The following LINGO1 variants were observed in gnomAD, a reference collection of about 807,000 sequenced individuals.
The protein encoded by LINGO1 is leucine rich repeat and Ig domain containing 1.
In LINGO1, 11 loss-of-function variants were observed where a neutral mutation model predicts 37.3. The observed-to-expected ratio is 0.29, with a 90% CI of 0.19 to 0.49. The LOEUF (loss-of-function observed/expected upper bound fraction) is 0.49. Among genes scored for constraint, LINGO1 ranks in the 20% least tolerant of loss-of-function variants. LINGO1 has a pLI of 0.99. For missense variants in LINGO1, 585 were observed against 878.2 expected (o/e 0.67, Z 4.22); for synonymous variants, 387 against 403.0 (o/e 0.96, Z 0.48).
At position 77,618,802 on chromosome 15, in the gene LINGO1, AGCCGGGATGGC is replaced by A; in HGVS notation, c.7-2913_7-2903del. On this transcript the variant is annotated intron_variant, in intron 1 of 1. Coordinates refer to ENST00000355300, the MANE Select transcript of LINGO1 (RefSeq NM_032808.7). Reference sequence around the variant, plus strand: ...AGTAGAGACGGGGTTTCACCGTTTTAGCCGGGATGGCCTCGATCTCCTGACCTCGTGATCCG... The same window carrying A: ...AGTAGAGACGGGGTTTCACCGTTTTACTCGATCTCCTGACCTCGTGATCCG... Among the ~76,000 whole-genome samples, 14 of 29,340 alleles carry A rather than the reference AGCCGGGATGGC, an allele frequency of 4.8e-4. 7 individuals are homozygous for A. The highest frequency in any genetic ancestry group is 8.7e-4 in the Admixed American group (2 of 2,306). The allele number at this position is 29,340 out of a possible 152,430, so 19.2% of individuals were successfully genotyped here. A position where few individuals can be genotyped will look rare whatever the true frequency, so the allele number is the denominator to read the frequency against.
At chr15:77,756,169 T>A (rs929617628) in intron 1 of LINGO1, among the ~76,000 whole-genome samples, 2 of 152,108 alleles carry the variant, frequency 1.3e-5, no homozygotes, top group Non-Finnish European at 2.9e-5. Context: ...CCCTGCCCCA[T>A]CCAGCCCACT....
chr15:77,783,943 T>C (rs191120141), intron 1 of LINGO1, among the ~76,000 whole-genome samples: 2 of 152,350 alleles, frequency 1.3e-5, no homozygotes, highest in East Asian at 3.9e-4. Flanking sequence ...AGACTGACTT[T>C]GCCTCGCCTT....
At chr15:77,626,588 C>T (rs1190792896) in intron 1 of LINGO1, among the ~76,000 whole-genome samples, 1 of 152,186 alleles carries the variant, frequency 6.6e-6, no homozygotes, top group East Asian at 1.9e-4. Flanking sequence ...GCTGCCCGTT[C>T]ATAAGAAGCC....
intron 1 of LINGO1, among the ~76,000 whole-genome samples, chr15:77,631,634 C>T (rs1211117569): frequency 6.6e-6 from 1 of 152,244 alleles, no homozygotes; most frequent in Non-Finnish European, 1.5e-5. Context: ...TTCCCACCTC[C>T]CACCCGCTCT....
intron 1 of LINGO1, among the ~76,000 whole-genome samples, chr15:77,756,853 C>T (rs1040163434): frequency 1.3e-5 from 2 of 152,144 alleles, no homozygotes; most frequent in South Asian, 2.1e-4. Context: ...GATACTCCAC[C>T]GCCCCCCAAT....
intron 2 of LINGO1, among the ~76,000 whole-genome samples, chr15:77,730,475 G>A (rs1349060960): frequency 7.2e-5 from 11 of 152,248 alleles, no homozygotes; most frequent in South Asian, 2.1e-4. Flanking sequence ...TCAGGGGCTC[G>A]GGCAGTGCAC....
intron 1 of LINGO1, among the ~76,000 whole-genome samples, chr15:77,738,595 A>G (rs1319698905): frequency 6.6e-6 from 1 of 152,148 alleles, no homozygotes; most frequent in Non-Finnish European, 1.5e-5. Context: ...TATATTGTCT[A>G]TTTATGTGTG....
At chr15:77,790,298 C>A (rs1202901962), upstream of LINGO1, among the ~76,000 whole-genome samples, 3 of 152,340 alleles carry the variant, frequency 2.0e-5, no homozygotes, top group African/African-American at 7.2e-5. Context: ...CACTGCTTGG[C>A]ACATAGTAGG....
At chr15:77,737,579 C>A (rs1663411004) in intron 1 of LINGO1, among the ~76,000 whole-genome samples, 2 of 152,220 alleles carry the variant, frequency 1.3e-5, no homozygotes, top group South Asian at 4.2e-4. Context: ...TGTCTCCACC[C>A]CTTCACTTCC....
In LINGO1 at chr15:77,818,779, C is replaced by G. The variant is rs559663613; in HGVS notation, c.-458+1479G>C. Among the ~76,000 whole-genome samples, 700 of 152,114 alleles carry G rather than the reference C, an allele frequency of 4.6e-3. 1 individual carries two copies. The highest frequency in any genetic ancestry group is 7.3e-3 in the Non-Finnish European group (497 of 67,962). On this transcript the variant is annotated intron_variant, in intron 1 of 5. Coordinates refer to the LINGO1 transcript ENST00000562933. ...GGTCATAGTAGTCTGGCGCCCGGAGCGGCTCCAGCGCGGCGCCGCGGGCCT... is the reference window on the plus strand; with the variant it reads ...GGTCATAGTAGTCTGGCGCCCGGAGGGGCTCCAGCGCGGCGCCGCGGGCCT...
At chr15:77,716,280 C>CTTTTTTTT (rs5813879) in intron 2 of LINGO1, among the ~76,000 whole-genome samples, 3 of 119,260 alleles carry the variant, frequency 2.5e-5, no homozygotes, top group Non-Finnish European at 3.4e-5. Flanking sequence ...TCTTCTTCTT[C>CTTTTTTTT]TTTTTTTTTT....
chr15:77,791,719 C>T (rs1369488325), upstream of LINGO1, among the ~76,000 whole-genome samples: 1 of 152,096 alleles, frequency 6.6e-6, no homozygotes, highest in Admixed American at 6.6e-5. Context: ...TTAAGAGTCC[C>T]TTACAAGAGG....
intron 1 of LINGO1, among the ~76,000 whole-genome samples, chr15:77,739,275 C>T (rs1024240291): frequency 2.0e-5 from 3 of 152,238 alleles, no homozygotes; most frequent in African/African-American, 4.8e-5. Context: ...TTCCCTTCCC[C>T]CCTTGGAGCT....
intron 1 of LINGO1, among the ~76,000 whole-genome samples, chr15:77,810,321 CAT>C (rs1465621618): frequency 4.0e-5 from 6 of 151,228 alleles, no homozygotes; most frequent in East Asian, 1.9e-4. Flanking sequence ...CACACACACA[CAT>C]ACACATGCAC....
intron 1 of LINGO1, among the ~76,000 whole-genome samples, chr15:77,770,447 C>T (rs1227797953): frequency 6.6e-6 from 1 of 151,988 alleles, no homozygotes; most frequent in Admixed American, 6.6e-5. Context: ...ATTAGTCAGG[C>T]GAGGTGGTGC....
chr15:77,780,135 A>T (rs1202751751), intron 1 of LINGO1, among the ~76,000 whole-genome samples: 1 of 152,228 alleles, frequency 6.6e-6, no homozygotes, highest in African/African-American at 2.4e-5. Context: ...GTGGAATGGC[A>T]GGTATGAACA....
At chr15:77,704,917 C>T (rs1029873754) in intron 2 of LINGO1, among the ~76,000 whole-genome samples, 2 of 152,150 alleles carry the variant, frequency 1.3e-5, no homozygotes, top group African/African-American at 4.8e-5. Context: ...TGCACATAGC[C>T]CTGACAGTCA....
intron 3 of LINGO1, among the ~76,000 whole-genome samples, chr15:77,671,356 A>G (rs2075245682): frequency 6.6e-6 from 1 of 152,136 alleles, no homozygotes; most frequent in Admixed American, 6.5e-5. Context: ...GTGAGAAGGG[A>G]GGAAGGAGGA....
upstream of LINGO1, among the ~76,000 whole-genome samples, chr15:77,789,840 C>T (rs958310132): frequency 1.3e-5 from 2 of 152,056 alleles, no homozygotes; most frequent in African/African-American, 2.4e-5. Context: ...GGCTGGAGTA[C>T]AGTGGCTCAA....
Sources: allele counts gnomAD v4.1 joint callset (sites outside exome capture counted in the v4.1 genomes callset), GRCh38; gene constraint gnomAD v4.1.1; transcripts MANE v1.5; gene names NCBI Gene and HGNC (gene_info 2026-07-23, HGNC 2026-07-21).